OPN5: variants seen among roughly 807,000 people sequenced by gnomAD.
OPN5 encodes the protein opsin 5, also known as opsin-5.
In OPN5, 18 loss-of-function variants were observed where a neutral mutation model predicts 41.7. The ratio of observed to expected loss-of-function variants is 0.43; its 90% confidence interval spans 0.30 to 0.64. The LOEUF (loss-of-function observed/expected upper bound fraction) is 0.64, where lower values mean the gene tolerates loss of function less well. Ranked by LOEUF, OPN5 falls within the 30% of genes least tolerant of loss-of-function variation. OPN5 has a pLI of 0.13. For missense variants in OPN5, 318 were observed against 434.5 expected (o/e 0.73, Z 2.38); for synonymous variants, 178 against 164.3 (o/e 1.08, Z -0.64).
At chr6:47,820,114 A>G (rs1432441968) in intron 6 of OPN5, among the ~76,000 whole-genome samples, 1 of 146,104 alleles carries the variant, frequency 6.8e-6, no homozygotes, top group Non-Finnish European at 1.5e-5. Context: ...TATTGTCTAT[A>G]GCTGCTTCTC....
chr6:47,819,353 A>ATATATATATATATATATATATAT (rs1491208722), intron 6 of OPN5, among the ~76,000 whole-genome samples: 2 of 84,868 alleles, frequency 2.4e-5, no homozygotes, highest in Non-Finnish European at 2.4e-5. Flanking sequence ...ATATATATAT[A>ATATATATATATATATATATATAT]AAAAATATAT....
At chr6:47,787,168 C>G in intron 2 of OPN5, 1 of 984,086 alleles carries the variant, frequency 1.0e-6, no homozygotes, top group Non-Finnish European at 1.2e-6. Context: ...GCATAGGAAG[C>G]TTCTGGTTCA....
chr6:47,791,491 A>G (rs1773370925), intron 2 of OPN5, among the ~76,000 whole-genome samples: 1 of 152,214 alleles, frequency 6.6e-6, no homozygotes, highest in Non-Finnish European at 1.5e-5. Context: ...TCATGTCTGT[A>G]ATTCCTGAAG....
intron 3 of OPN5, among the ~76,000 whole-genome samples, chr6:47,793,216 GTGTT>G (rs1177811941): frequency 6.6e-6 from 1 of 152,092 alleles, no homozygotes; most frequent in African/African-American, 2.4e-5. Flanking sequence ...CTTCCTGAGA[GTGTT>G]TGAGGAATAC....
intron 4 of OPN5, among the ~76,000 whole-genome samples, chr6:47,805,455 A>G (rs573482842): frequency 1.3e-5 from 2 of 151,908 alleles, no homozygotes; most frequent in African/African-American, 4.8e-5. Context: ...TGCTGCAGGT[A>G]ATGTTCAGAG....
At chr6:47,784,999 GAC>G (rs568485378) in intron 1 of OPN5, among the ~76,000 whole-genome samples, 250 of 152,242 alleles carry the variant, frequency 1.6e-3, no homozygotes, top group African/African-American at 5.7e-3. Context: ...ATAGAGAGGT[GAC>G]TATTTTTTGA....
intron 1 of OPN5, among the ~76,000 whole-genome samples, chr6:47,784,891 G>A (rs1182980652): frequency 2.0e-5 from 3 of 151,958 alleles, no homozygotes; most frequent in Non-Finnish European, 4.4e-5. Context: ...TTCTTAATCT[G>A]GTTGTCTTTT....
intron 3 of OPN5, 47 bp from the exon 4 acceptor site, chr6:47,795,182 G>T: frequency 7.3e-7 from 1 of 1,378,326 alleles, no homozygotes. Context: ...GAGGTATCTG[G>T]GTGTAGGGCA....
chr6:47,805,990 G>A (rs1018600279), intron 4 of OPN5, among the ~76,000 whole-genome samples: 3 of 151,968 alleles, frequency 2.0e-5, no homozygotes, highest in South Asian at 2.1e-4. Flanking sequence ...TGAGTCATGC[G>A]CTGCTCTCTA....
chr6:47,817,830 C>A (rs1409991635), intron 6 of OPN5, among the ~76,000 whole-genome samples: 1 of 152,008 alleles, frequency 6.6e-6, no homozygotes, highest in Non-Finnish European at 1.5e-5. Context: ...GATCTGTGAG[C>A]GGGACACTCT....
chr6:47,795,706 GC>G, intron 4 of OPN5, 143 bp downstream of exon 4: 1 of 623,736 alleles, frequency 1.6e-6, no homozygotes, highest in Non-Finnish European at 2.8e-6. Context: ...GATTGTCTAA[GC>G]CTTTCTTTGT....
intron 2 of OPN5, among the ~76,000 whole-genome samples, chr6:47,789,448 G>C (rs1773299262): frequency 6.8e-6 from 1 of 146,566 alleles, no homozygotes; most frequent in African/African-American, 2.5e-5. Context: ...AAATAAACTT[G>C]TCAGTCTTGA....
At chr6:47,784,156 C>T (rs895815448) in intron 1 of OPN5, among the ~76,000 whole-genome samples, 1 of 152,000 alleles carries the variant, frequency 6.6e-6, no homozygotes, top group African/African-American at 2.4e-5. Flanking sequence ...GAGGTGGAGC[C>T]AATGGTATGT....
chr6:47,824,068 A>T, exon 7 of OPN5: 1 of 1,239,312 alleles, frequency 8.1e-7, no homozygotes, highest in Non-Finnish European at 1.2e-6. Context: ...TAGCTTACAA[A>T]TGTTATTTTT....
intron 2 of OPN5, among the ~76,000 whole-genome samples, chr6:47,789,014 C>T (rs1433609303): frequency 6.6e-6 from 1 of 151,870 alleles, no homozygotes; most frequent in Non-Finnish European, 1.5e-5. Context: ...AGATGACACC[C>T]CAAAGTTTAA....
At chr6:47,807,446 A>C (rs1774014830) in intron 4 of OPN5, among the ~76,000 whole-genome samples, 1 of 152,232 alleles carries the variant, frequency 6.6e-6, no homozygotes, top group Non-Finnish European at 1.5e-5. Flanking sequence ...TGCAGATGGC[A>C]AGAGACTTCT....
intron 6 of OPN5, among the ~76,000 whole-genome samples, chr6:47,814,855 T>C (rs998040998): frequency 6.6e-6 from 1 of 152,280 alleles, no homozygotes; most frequent in South Asian, 2.1e-4. Context: ...CTCCTTTGGG[T>C]TCTCATAACT....
intron 6 of OPN5, among the ~76,000 whole-genome samples, chr6:47,815,536 C>A (rs1258324591): frequency 6.6e-6 from 1 of 152,034 alleles, no homozygotes; most frequent in Non-Finnish European, 1.5e-5. Context: ...AGATATATGT[C>A]ATTAAAGTAA....
chr6:47,824,226 C>T, exon 7 of OPN5: 2 of 557,980 alleles, frequency 3.6e-6, no homozygotes, highest in Non-Finnish European at 3.2e-6. Context: ...CTAAAGAGTG[C>T]CAGAAACCCA....
Sources: gnomAD v4.1 joint callset for allele counts (sites outside exome capture counted in the v4.1 genomes callset) on GRCh38, gnomAD v4.1.1 for gene constraint, MANE v1.5 for transcripts, NCBI Gene and HGNC (gene_info 2026-07-23, HGNC 2026-07-21) for gene names.